RNGTT: variants seen among roughly 807,000 people sequenced by gnomAD.
The protein encoded by RNGTT is mRNA-capping enzyme.
A neutral mutation model predicts 79.3 loss-of-function variants in RNGTT; 33 were observed. The observed-to-expected ratio is 0.42, with a 90% CI of 0.32 to 0.56. The LOEUF is 0.56. Ranked by LOEUF, RNGTT falls within the 20% of genes least tolerant of loss-of-function variation. The pLI, the probability that RNGTT is intolerant of heterozygous loss-of-function variation, is 0.17. For synonymous variants in RNGTT, 222 were observed against 235.9 expected, an observed-to-expected ratio of 0.94 and a Z score of 0.54; for missense variants, 497 against 739.1, an observed-to-expected ratio of 0.67 and a Z score of 3.80.
At chr6:88,785,351 A>C (rs1779193732) in intron 12 of RNGTT, among the ~76,000 whole-genome samples, 1 of 152,100 alleles carries the variant, frequency 6.6e-6, no homozygotes, top group Non-Finnish European at 1.5e-5. Flanking sequence ...CAAATTATGC[A>C]TCTGTAGCTG....
chr6:88,811,685 C>T (rs948609002), intron 11 of RNGTT, among the ~76,000 whole-genome samples: 6 of 152,196 alleles, frequency 3.9e-5, no homozygotes, highest in East Asian at 1.9e-4. Context: ...ATTAGAAATA[C>T]GAATTGGCAA....
chr6:88,885,480 A>T (rs1293482093), intron 8 of RNGTT, among the ~76,000 whole-genome samples: 3 of 152,182 alleles, frequency 2.0e-5, no homozygotes, highest in Non-Finnish European at 4.4e-5. Context: ...TGATAGGAAT[A>T]AAAAAAGCAA....
intron 13 of RNGTT, among the ~76,000 whole-genome samples, chr6:88,727,073 A>T (rs1776936545): frequency 6.6e-6 from 1 of 152,200 alleles, no homozygotes; most frequent in Admixed American, 6.5e-5. Context: ...TGGTTGTTTA[A>T]AGAAAGGGAT....
chr6:88,946,004 C>T (rs1432274988), intron 1 of RNGTT, among the ~76,000 whole-genome samples: 1 of 152,210 alleles, frequency 6.6e-6, no homozygotes, highest in Non-Finnish European at 1.5e-5. Flanking sequence ...TTGATTGGAA[C>T]TCCTGAGTTT....
Position 88,883,989 on chromosome 6 carries a change from C to A in RNGTT, c.896+6506G>T, listed in dbSNP as rs953093079. Among the ~76,000 whole-genome samples the A allele has an allele frequency of 1.2e-4, 18 of 152,298 alleles. No individual in the cohort carries two copies. The East Asian group carries it at 1.9e-3, about 16-fold the overall frequency. ...CTAACCAGATTGGTGAAAAAATTTG[C>A]CAACACATTCTGTTAGCAAGGCTGT... On this transcript the variant is annotated intron_variant, in intron 8 of 15. Coordinates refer to ENST00000369485, the MANE Select transcript of RNGTT (RefSeq NM_003800.5).
chr6:88,732,485 G>C (rs1317093740), intron 13 of RNGTT, among the ~76,000 whole-genome samples: 1 of 152,166 alleles, frequency 6.6e-6, no homozygotes, highest in Non-Finnish European at 1.5e-5. Context: ...ATTGGCTTAT[G>C]ATCCAGATTC....
rs552025961 is a variant in RNGTT, at chr6:88,826,854, G to GTGTGTGTA, written c.1269+17502_1269+17503insTACACACA. 1.3e-3 allele frequency among the ~76,000 whole-genome samples: 182 copies of GTGTGTGTA among 138,308 alleles called. 1 individual carries two copies. The highest frequency in any genetic ancestry group is 4.8e-3 in the African/African-American group (175 of 36,652). The allele number at this position is 138,308 out of a possible 152,430, so 90.7% of individuals were successfully genotyped here. ...TATATATATATATATATGTGTGTGTGTATATATATATATATAATATACTAT... is the reference window on the plus strand; with the variant it reads ...TATATATATATATATATGTGTGTGTGTGTGTGTATATATATATATATATAATATACTAT... On this transcript the variant is annotated intron_variant, in intron 11 of 15. Transcript: ENST00000369485.
chr6:88,838,269 C>A (rs1781148347), intron 11 of RNGTT, among the ~76,000 whole-genome samples: 3 of 151,966 alleles, frequency 2.0e-5, no homozygotes, highest in African/African-American at 7.2e-5. Flanking sequence ...CTAGTCAGTG[C>A]AGTAAGGCAG....
chr6:88,858,693 G>C (rs1013912140), intron 8 of RNGTT, among the ~76,000 whole-genome samples: 1 of 152,140 alleles, frequency 6.6e-6, no homozygotes, highest in East Asian at 1.9e-4. Flanking sequence ...CTGACACAAC[G>C]GCAACGCTGA....
chr6:88,950,240 T>C (rs1006082375), intron 1 of RNGTT, among the ~76,000 whole-genome samples: 17 of 152,244 alleles, frequency 1.1e-4, no homozygotes, highest in African/African-American at 4.1e-4. Flanking sequence ...ACTATGCACC[T>C]AGGCACCCAA....
At position 88,929,053 on chromosome 6, in the gene RNGTT, G is replaced by T; in HGVS notation, c.299C>A (p.Thr100Asn). 1.2e-6 allele frequency: 2 copies of T among 1,612,770 alleles called. No individual in the cohort carries two copies. The highest frequency in any genetic ancestry group is 1.7e-6 in the Non-Finnish European group (2 of 1,179,364). The change falls in exon 4 of 16, where the codon ACT (threonine) becomes AAT (asparagine). Residue 100 changes from threonine to asparagine, a missense_variant. Coordinates refer to ENST00000369485, the MANE Select transcript of RNGTT (RefSeq NM_003800.5). ...QCKGHGECPT[T>N]ENTETFIRLC... The stretch of plus-strand genomic sequence containing the variant: ...ACGAATAAAGGTCTCAGTATTCTCA[G>T]TGGTAGGGCACTCACCATGTCTAGT...
At chr6:88,712,192 C>T (rs1776342053) in intron 13 of RNGTT, among the ~76,000 whole-genome samples, 1 of 152,104 alleles carries the variant, frequency 6.6e-6, no homozygotes, top group South Asian at 2.1e-4. Context: ...CTGTGAGGAT[C>T]AAGTAAACAG....
At chr6:88,845,916 C>T (rs1781467790) in intron 10 of RNGTT, among the ~76,000 whole-genome samples, 1 of 151,808 alleles carries the variant, frequency 6.6e-6, no homozygotes, top group Non-Finnish European at 1.5e-5. Context: ...AAATCTAAAA[C>T]GTTAGGCTGG....
intron 11 of RNGTT, among the ~76,000 whole-genome samples, chr6:88,808,035 C>A (rs1239875492): frequency 1.3e-5 from 2 of 151,906 alleles, no homozygotes; most frequent in East Asian, 3.9e-4. Flanking sequence ...TTCCACCAAG[C>A]TAGAATATAA....
intron 11 of RNGTT, among the ~76,000 whole-genome samples, 187 bp from the exon 12 acceptor site, chr6:88,801,819 AC>A: frequency 7.0e-6 from 1 of 142,474 alleles, no homozygotes; most frequent in South Asian, 2.2e-4. Context: ...ATACACACAC[AC>A]AGACACACAC....
chr6:88,688,458 C>G (rs1201674145), intron 13 of RNGTT, among the ~76,000 whole-genome samples: 2 of 152,100 alleles, frequency 1.3e-5, no homozygotes, highest in Non-Finnish European at 2.9e-5. Flanking sequence ...AATGACCACA[C>G]CTAGGATTAG....
At chr6:88,726,686 G>C (rs1371889284) in intron 13 of RNGTT, among the ~76,000 whole-genome samples, 1 of 152,194 alleles carries the variant, frequency 6.6e-6, no homozygotes, top group Non-Finnish European at 1.5e-5. Context: ...GTTAGGAAAA[G>C]TGCCTAATAA....
chr6:88,927,982 A>C (rs1037166991), intron 4 of RNGTT, among the ~76,000 whole-genome samples: 7 of 152,128 alleles, frequency 4.6e-5, no homozygotes, highest in Admixed American at 2.6e-4. Context: ...TGGCAAGAGG[A>C]TCACTTGACA....
intron 1 of RNGTT, among the ~76,000 whole-genome samples, chr6:88,943,110 A>G (rs1475644182): frequency 6.6e-6 from 1 of 152,178 alleles, no homozygotes. Flanking sequence ...AAAAGCCATC[A>G]ATGTGCTAAT....
Sources: gnomAD v4.1 joint callset for allele counts (sites outside exome capture counted in the v4.1 genomes callset) on GRCh38, gnomAD v4.1.1 for gene constraint, MANE v1.5 for transcripts, NCBI Gene and HGNC (gene_info 2026-07-23, HGNC 2026-07-21) for gene names.